The following LIPJ variants were observed in gnomAD, a reference collection of about 807,000 sequenced individuals.
LIPJ encodes lipase family member J, also known as lipase member J.
A neutral mutation model predicts 39.8 loss-of-function variants in LIPJ; 33 were observed. The ratio of observed to expected loss-of-function variants is 0.83; its 90% CI spans 0.63 to 1.11. The LOEUF is 1.11. Among genes scored for constraint, LIPJ ranks in the 50% least tolerant of loss-of-function variants. LIPJ has a pLI of 0.00. For synonymous variants in LIPJ, 128 were observed against 139.2 expected, an observed-to-expected ratio of 0.92 and a Z score of 0.57; for missense variants, 422 against 427.9, an observed-to-expected ratio of 0.99 and a Z score of 0.12.
At chr10:88,590,227 G>A (rs971884156) in intron 2 of LIPJ, among the ~76,000 whole-genome samples, 1 of 151,598 alleles carries the variant, frequency 6.6e-6, no homozygotes, top group African/African-American at 2.4e-5. Context: ...ATAAATGTTA[G>A]GCTGGTAATA....
chr10:88,615,244 C>G, the LIPJ span, among the ~76,000 whole-genome samples: 30 of 152,192 alleles, frequency 2.0e-4, no homozygotes, highest in African/African-American at 5.8e-4. Flanking sequence ...AAAATACAGA[C>G]AAGCAAATTT....
upstream of LIPJ, chr10:88,583,231 G>A (rs1335848024): frequency 6.2e-7 from 1 of 1,609,028 alleles, no homozygotes. Flanking sequence ...CTCTGCGGCG[G>A]GGCCGTTCGG....
rs181458273 is a variant in LIPJ, at chr10:88,590,007, G to C, written c.-103-578G>C. 6.7e-4 allele frequency among the ~76,000 whole-genome samples: 102 copies of C among 151,522 alleles called. 1 individual carries two copies. Among genetic ancestry groups the C allele is most frequent in the Middle Eastern group, 3.4e-3 (1 of 294 alleles). ...ATAAGATTAGTAAGTCATGCTTTTGGGGGGAGAATCTGGATGGCAGCCTCT... is the reference window on the plus strand; with the variant it reads ...ATAAGATTAGTAAGTCATGCTTTTGCGGGGAGAATCTGGATGGCAGCCTCT... On this transcript the variant is annotated intron_variant, in intron 2 of 10. Coordinates refer to ENST00000371939, the Ensembl canonical transcript of LIPJ.
the LIPJ span, among the ~76,000 whole-genome samples, chr10:88,612,471 CT>C: frequency 6.6e-6 from 1 of 152,100 alleles, no homozygotes. Flanking sequence ...CAAATTTCTC[CT>C]GTCTTCAGGG....
At chr10:88,601,974 T>C (rs1289575715) in intron 8 of LIPJ, among the ~76,000 whole-genome samples, 2 of 152,214 alleles carry the variant, frequency 1.3e-5, no homozygotes, top group East Asian at 3.9e-4. Context: ...CCAGGAACTA[T>C]CTAGGCAATG....
At chr10:88,594,204 A>T in intron 5 of LIPJ, 60 bp downstream of exon 5, 1 of 1,242,708 alleles carries the variant, frequency 8.0e-7, no homozygotes, top group Non-Finnish European at 1.1e-6. Flanking sequence ...TTCATTTTGA[A>T]TGCAATAAAA....
chr10:88,611,205 G>A (rs1851747486), downstream of LIPJ, among the ~76,000 whole-genome samples: 2 of 152,194 alleles, frequency 1.3e-5, no homozygotes, highest in Non-Finnish European at 2.9e-5. Context: ...CCCATTCCCA[G>A]GGGAAGAAGG....
the LIPJ span, among the ~76,000 whole-genome samples, chr10:88,620,886 A>G: frequency 6.6e-6 from 1 of 152,164 alleles, no homozygotes; most frequent in East Asian, 1.9e-4. Context: ...GCACTGGCAG[A>G]TCCAGGGTCT....
At chr10:88,583,545 A>G (rs868020608), upstream of LIPJ, 15 of 1,103,572 alleles carry the variant, frequency 1.4e-5, no homozygotes, top group Middle Eastern at 1.2e-3. Flanking sequence ...CACAGCAGAG[A>G]AGCAGCTTAA....
At chr10:88,611,469 G>T (rs527550302), downstream of LIPJ, among the ~76,000 whole-genome samples, 1 of 152,282 alleles carries the variant, frequency 6.6e-6, no homozygotes, top group South Asian at 2.1e-4. Flanking sequence ...AGCTAATTAA[G>T]GAGGAACCAG....
the LIPJ span, among the ~76,000 whole-genome samples, chr10:88,620,093 T>TA: frequency 5.3e-5 from 8 of 152,232 alleles, no homozygotes; most frequent in South Asian, 2.1e-4. Flanking sequence ...TCATTTGAAT[T>TA]ATGGGAAAAC....
rs757384954 is a variant in LIPJ, at chr10:88,606,661, C to A, written c.868-13C>A. 4.0e-6 allele frequency: 6 copies of A among 1,510,916 alleles called. No homozygotes were observed. The highest frequency in any genetic ancestry group is 5.5e-6 in the Non-Finnish European group (6 of 1,094,190). The allele number at this position is 1,510,916 out of a possible 1,614,324, so 93.6% of individuals were successfully genotyped here. On this transcript the variant is annotated splice_polypyrimidine_tract_variant and intron_variant, in intron 10 of 10. Coordinates refer to ENST00000371939, the Ensembl canonical transcript of LIPJ. ...CTCCTATGAAAACTATTTTTTCACT[C>A]ATTTATTTTCAGACAACGTCTCCAT...
At chr10:88,599,011 A>G (rs1851369511) in intron 8 of LIPJ, among the ~76,000 whole-genome samples, 1 of 146,916 alleles carries the variant, frequency 6.8e-6, no homozygotes. Flanking sequence ...ATATTATAAT[A>G]ATATATTATA....
At chr10:88,611,250 A>G (rs895622995), downstream of LIPJ, among the ~76,000 whole-genome samples, 1 of 152,220 alleles carries the variant, frequency 6.6e-6, no homozygotes, top group African/African-American at 2.4e-5. Flanking sequence ...CCATGGGACA[A>G]AGTAATCTGA....
At chr10:88,582,960 G>T (rs771343562), upstream of LIPJ, 29 of 1,244,802 alleles carry the variant, frequency 2.3e-5, no homozygotes, top group Non-Finnish European at 2.8e-5. Context: ...GCCGCTCAGG[G>T]AGCTGAGGGT....
At chr10:88,582,948 C>CGG, upstream of LIPJ, 1 of 1,156,554 alleles carries the variant, frequency 8.6e-7, no homozygotes, top group Non-Finnish European at 1.2e-6. Flanking sequence ...CCGCGCTACA[C>CGG]GGCCGCTCAG....
In LIPJ at chr10:88,602,663, T is replaced by C. The variant is rs1044346874; in HGVS notation, c.795+16T>C. 2.8e-5 allele frequency: 42 copies of C among 1,510,520 alleles called. No homozygotes were observed. Among genetic ancestry groups the C allele is most frequent in the Non-Finnish European group, 3.6e-5 (40 of 1,106,320 alleles). 93.6% of individuals were successfully genotyped at this position (1,510,520 alleles called of 1,614,324 possible). On this transcript the variant is annotated intron_variant, in intron 9 of 10. Transcript: ENST00000371939. ...TTGGAGTCAGGTATAACTGCTAAAG[T>C]GCATTTCCATACAATTTAATTCATG...
At chr10:88,618,901 G>A in the LIPJ span, 1 of 153,060 alleles carries the variant, frequency 6.5e-6, no homozygotes, top group African/African-American at 2.4e-5. Flanking sequence ...TGGCACAGCA[G>A]GAACCTTCTT....
intron 4 of LIPJ, 131 bp downstream of exon 4, chr10:88,591,629 C>CTTG: frequency 2.8e-6 from 2 of 710,304 alleles, no homozygotes; most frequent in Non-Finnish European, 4.4e-6. Flanking sequence ...CATGTATCTT[C>CTTG]TCGCATGCTA....
Sources: allele counts gnomAD v4.1 joint callset (sites outside exome capture counted in the v4.1 genomes callset), GRCh38; gene constraint gnomAD v4.1.1; transcripts MANE v1.5; gene names NCBI Gene and HGNC (gene_info 2026-07-23, HGNC 2026-07-21).